Variants in SLC39A8 observed in about 807,000 individuals in gnomAD.
SLC39A8 encodes solute carrier family 39 member 8.
A neutral mutation model predicts 40.4 loss-of-function variants in SLC39A8; 15 were observed. The ratio of observed to expected loss-of-function variants is 0.37; its 90% CI spans 0.25 to 0.57. The LOEUF is 0.57. Among genes scored for constraint, SLC39A8 ranks in the 20% least tolerant of loss-of-function variants. SLC39A8 has a pLI of 0.75. For synonymous variants in SLC39A8, 223 were observed against 221.6 expected, an observed-to-expected ratio of 1.01 and a Z score of -0.06; for missense variants, 472 against 558.8, an observed-to-expected ratio of 0.84 and a Z score of 1.57.
intron 3 of SLC39A8, among the ~76,000 whole-genome samples, chr4:102,308,591 C>T (rs949628932): frequency 6.6e-6 from 1 of 152,076 alleles, no homozygotes; most frequent in East Asian, 1.9e-4. Context: ...TGAGATACAA[C>T]GTGGCCTCAG....
chr4:102,294,594 A>G (rs1345280902), intron 6 of SLC39A8, among the ~76,000 whole-genome samples: 1 of 152,034 alleles, frequency 6.6e-6, no homozygotes, highest in Non-Finnish European at 1.5e-5. Context: ...CTCTCTGCTA[A>G]TTGGCTATAA....
intron 6 of SLC39A8, among the ~76,000 whole-genome samples, chr4:102,302,689 G>A (rs952434629): frequency 2.6e-5 from 4 of 151,958 alleles, no homozygotes; most frequent in African/African-American, 9.7e-5. Flanking sequence ...TAGGAACTGA[G>A]CATCTTTGGG....
Position 102,307,607 on chromosome 4 carries a change from T to C in SLC39A8, c.383-2A>G, listed in dbSNP as rs1180055639. 1 of 1,611,824 alleles carries C rather than the reference T, an allele frequency of 6.2e-7. No homozygotes were observed. The highest frequency in any genetic ancestry group is 1.3e-5 in the African/African-American group (1 of 74,734). On this transcript the variant is annotated splice_acceptor_variant, in intron 3 of 8. Transcript: ENST00000356736. LOFTEE classifies it high-confidence loss of function. Reference sequence around the variant, plus strand: ...CTGACAGGAATCCATATCCCCAAACTGTGGGTCAGAGGGAAAAGAGAGTAG... The same window carrying C: ...CTGACAGGAATCCATATCCCCAAACCGTGGGTCAGAGGGAAAAGAGAGTAG...
At position 102,304,406 on chromosome 4, in the gene SLC39A8, T is replaced by C. The variant is rs1019622361; in HGVS notation, c.751A>G (p.Ile251Val). 1.2e-6 allele frequency: 2 copies of C among 1,611,754 alleles called. No individual in the cohort carries two copies. Among genetic ancestry groups the C allele is most frequent in the Admixed American group, 1.7e-5 (1 of 59,826 alleles). The change falls in exon 6 of 9, where the codon ATC (isoleucine) becomes GTC (valine). Residue 251 changes from isoleucine (I) to valine (V), a missense_variant. Ile to Val is a conservative substitution (Grantham distance 29, BLOSUM62 3). Coordinates refer to ENST00000356736, the MANE Select transcript of SLC39A8 (RefSeq NM_001135146.2). ...TTTGCATAGCATGTCACACCATTGA[T>C]GGCAGGTAATGCTTTAGGTTGATGA... is the stretch of plus-strand genomic sequence containing the variant. Reference protein sequence around the residue: ...KTHQPKALPAINGVTCYANPA... With the variant: ...KTHQPKALPAVNGVTCYANPA...
At chr4:102,281,961 C>T (rs752070394) in intron 6 of SLC39A8, among the ~76,000 whole-genome samples, 1 of 152,158 alleles carries the variant, frequency 6.6e-6, no homozygotes, top group African/African-American at 2.4e-5. Context: ...AGCCTCCTGC[C>T]GCATTCTCAC....
chr4:102,326,300 G>A (rs889837595), intron 2 of SLC39A8, among the ~76,000 whole-genome samples: 25 of 152,178 alleles, frequency 1.6e-4, no homozygotes, highest in African/African-American at 5.6e-4. Context: ...GGTGGCTCAC[G>A]CCTGTAATCC....
At chr4:102,305,329 A>G (rs1260525765) in intron 4 of SLC39A8, among the ~76,000 whole-genome samples, 1 of 151,980 alleles carries the variant, frequency 6.6e-6, no homozygotes, top group African/African-American at 2.4e-5. Flanking sequence ...TAGAAGTCTC[A>G]TTAAATAAAG....
At chr4:102,322,594 T>A (rs1032042730) in intron 2 of SLC39A8, among the ~76,000 whole-genome samples, 2 of 152,132 alleles carry the variant, frequency 1.3e-5, no homozygotes, top group East Asian at 3.9e-4. Context: ...GTGGCACCCA[T>A]TAAATAATAC....
chr4:102,310,590 G>A (rs1409804872), intron 3 of SLC39A8, among the ~76,000 whole-genome samples: 2 of 152,066 alleles, frequency 1.3e-5, no homozygotes, highest in Non-Finnish European at 2.9e-5. Flanking sequence ...AGCACAACTT[G>A]GGGGATGGTG....
At chr4:102,344,946 A>C (rs909753807) in intron 1 of SLC39A8, 31 bp from the exon 2 acceptor site, 117 of 1,196,292 alleles carry the variant, frequency 9.8e-5, no homozygotes, top group Non-Finnish European at 1.2e-4. Flanking sequence ...GGGGACAGAG[A>C]TAAAGGCCAC....
chr4:102,279,369 A>G (rs963739410), intron 6 of SLC39A8, among the ~76,000 whole-genome samples: 4 of 152,118 alleles, frequency 2.6e-5, no homozygotes, highest in African/African-American at 9.7e-5. Flanking sequence ...ACACCTAATG[A>G]TCAGGGGGAA....
intron 3 of SLC39A8, 98 bp downstream of exon 3, chr4:102,315,570 A>G: frequency 9.8e-7 from 1 of 1,024,614 alleles, no homozygotes; most frequent in Admixed American, 2.6e-5. Flanking sequence ...TATGTAGATT[A>G]ATTAAAAGCA....
chr4:102,285,055 A>G (rs536144984), intron 6 of SLC39A8, among the ~76,000 whole-genome samples: 10 of 152,328 alleles, frequency 6.6e-5, no homozygotes, highest in African/African-American at 2.2e-4. Context: ...AGTCATGTTC[A>G]TTAAGCACTT....
At chr4:102,264,902 G>A (rs1438649244) in intron 8 of SLC39A8, among the ~76,000 whole-genome samples, 1 of 152,216 alleles carries the variant, frequency 6.6e-6, no homozygotes, top group African/African-American at 2.4e-5. Flanking sequence ...ATTGAAGAGA[G>A]TTATTCCTTG....
intron 6 of SLC39A8, among the ~76,000 whole-genome samples, chr4:102,283,299 T>C (rs1732986032): frequency 6.6e-6 from 1 of 152,358 alleles, no homozygotes; most frequent in South Asian, 2.1e-4. Context: ...TCAGGATTTG[T>C]GCCCAGACTA....
At chr4:102,308,297 A>G (rs1734280086) in intron 3 of SLC39A8, among the ~76,000 whole-genome samples, 1 of 152,088 alleles carries the variant, frequency 6.6e-6, no homozygotes, top group Non-Finnish European at 1.5e-5. Context: ...TGAGACACAA[A>G]TTAGGCAAAA....
chr4:102,269,934 T>A (rs1278082180), intron 6 of SLC39A8: 1 of 152,172 alleles, frequency 6.6e-6, no homozygotes, highest in Non-Finnish European at 1.5e-5. Flanking sequence ...CAATAAACAA[T>A]CATAATTTAG....
At chr4:102,312,635 C>G (rs1368840610) in intron 3 of SLC39A8, among the ~76,000 whole-genome samples, 3 of 152,042 alleles carry the variant, frequency 2.0e-5, no homozygotes, top group African/African-American at 7.2e-5. Flanking sequence ...TTTCTGAAAC[C>G]TCACTTCCTG....
At chr4:102,265,113 C>T (rs930945710) in intron 8 of SLC39A8, among the ~76,000 whole-genome samples, 3 of 152,186 alleles carry the variant, frequency 2.0e-5, no homozygotes, top group Non-Finnish European at 2.9e-5. Context: ...CAAAGTCTAG[C>T]TTTTGGCCTG....
Sources: allele counts gnomAD v4.1 joint callset (sites outside exome capture counted in the v4.1 genomes callset), GRCh38; gene constraint gnomAD v4.1.1; transcripts MANE v1.5; gene names NCBI Gene and HGNC (gene_info 2026-07-23, HGNC 2026-07-21).